The following TMC1 variants were observed in gnomAD, a reference collection of about 807,000 sequenced individuals.
TMC1 encodes transmembrane channel like 1, also known as transmembrane channel-like protein 1.
A neutral mutation model predicts 105.8 loss-of-function variants in TMC1; 84 were observed. The ratio of observed to expected loss-of-function variants is 0.79; its 90% CI spans 0.67 to 0.95. The LOEUF (loss-of-function observed/expected upper bound fraction) is 0.95. TMC1 is among the 40% of genes least tolerant of loss of function. TMC1 has a pLI of 0.00. For missense variants in TMC1, 817 were observed against 914.1 expected (o/e 0.89, Z 1.37); for synonymous variants, 315 against 311.5 (o/e 1.01, Z -0.12).
At chr9:72,702,499 A>C (rs1826661358) in intron 8 of TMC1, among the ~76,000 whole-genome samples, 1 of 152,200 alleles carries the variant, frequency 6.6e-6, no homozygotes. Context: ...TATGTAAAAC[A>C]TGTTGCCAGA....
intron 1 of TMC1, among the ~76,000 whole-genome samples, chr9:72,574,168 A>G (rs1824335588): frequency 6.6e-6 from 1 of 152,250 alleles, no homozygotes; most frequent in East Asian, 1.9e-4. Flanking sequence ...GAGAGTGGCC[A>G]TGCTCCATGC....
At chr9:72,815,555 A>G (rs1230519145) in intron 18 of TMC1, among the ~76,000 whole-genome samples, 1 of 152,202 alleles carries the variant, frequency 6.6e-6, no homozygotes, top group African/African-American at 2.4e-5. Context: ...GTCTTTGTGC[A>G]TAGTTTCATA....
chr9:72,606,965 ATG>A (rs1824925167), intron 2 of TMC1, among the ~76,000 whole-genome samples: 2 of 139,746 alleles, frequency 1.4e-5, no homozygotes, highest in Admixed American at 1.5e-4. Context: ...GTATGTATGT[ATG>A]TATGTGTGTG....
chr9:72,710,051 A>G (rs1315072994), intron 8 of TMC1, among the ~76,000 whole-genome samples: 1 of 152,088 alleles, frequency 6.6e-6, no homozygotes, highest in Admixed American at 6.6e-5. Flanking sequence ...AGGTTGTGTC[A>G]CTATTATTGT....
chr9:72,754,709 C>A, intron 11 of TMC1, 77 bp from the exon 12 acceptor site: 1 of 1,213,090 alleles, frequency 8.2e-7, no homozygotes, highest in Non-Finnish European at 1.2e-6. Context: ...GGCTTTTAAA[C>A]AAAACCATTT....
rs538017874 is a variant in TMC1 at position 72,663,733 on chromosome 9, A to G, written c.16+15069A>G. 1.3e-3 allele frequency among the ~76,000 whole-genome samples: 204 copies of G among 152,348 alleles called. 1 individual carries two copies. The highest frequency in any genetic ancestry group is 4.7e-3 in the African/African-American group (195 of 41,590). On this transcript the variant is annotated intron_variant, in intron 5 of 23. Transcript: ENST00000297784. Reference sequence around the variant, plus strand: ...ATTTTTCTTTCTTTAGTAACAAATTAACCTTAGCTTACTATAAGTTTTTTA... The same window carrying G: ...ATTTTTCTTTCTTTAGTAACAAATTGACCTTAGCTTACTATAAGTTTTTTA...
intron 6 of TMC1, among the ~76,000 whole-genome samples, chr9:72,693,012 C>T (rs985345927): frequency 1.3e-4 from 20 of 151,580 alleles, no homozygotes; most frequent in Middle Eastern, 3.4e-3. Flanking sequence ...CTCAACTACT[C>T]AGGAGGCTGA....
intron 2 of TMC1, 189 bp downstream of exon 2, chr9:72,578,212 A>G (rs1430135166): frequency 6.6e-6 from 1 of 151,790 alleles, no homozygotes; most frequent in East Asian, 1.9e-4. Flanking sequence ...CTTTGAGCAC[A>G]TTATCTTCTC....
chr9:72,788,953 G>A (rs1438073012), intron 14 of TMC1, among the ~76,000 whole-genome samples, 170 bp from the exon 15 acceptor site: 1 of 151,946 alleles, frequency 6.6e-6, no homozygotes, highest in Non-Finnish European at 1.5e-5. Context: ...ACTTGCCATC[G>A]TTTGTTGGCA....
At chr9:72,560,171 A>AGT (rs1384625299) in intron 1 of TMC1, among the ~76,000 whole-genome samples, 5 of 152,230 alleles carry the variant, frequency 3.3e-5, no homozygotes, top group African/African-American at 1.2e-4. Flanking sequence ...CCAACAGGGA[A>AGT]GTGTTAAAAC....
intron 5 of TMC1, 115 bp from the exon 6 acceptor site, chr9:72,688,594 A>C: frequency 9.9e-7 from 1 of 1,013,498 alleles, no homozygotes. Flanking sequence ...AGTTTATGGA[A>C]AAATTGTATT....
At chr9:72,793,497 C>T (rs554481418) in intron 17 of TMC1, among the ~76,000 whole-genome samples, 164 of 152,302 alleles carry the variant, frequency 1.1e-3, no homozygotes, top group African/African-American at 3.9e-3. Flanking sequence ...CATAGCTGTT[C>T]TATGAAAATG....
intron 12 of TMC1, among the ~76,000 whole-genome samples, chr9:72,766,901 A>G (rs534886286): frequency 6.6e-6 from 1 of 152,256 alleles, no homozygotes; most frequent in Non-Finnish European, 1.5e-5. Flanking sequence ...CAGAAGCCTA[A>G]TGGGTCTGGC....
At chr9:72,541,963 CAAA>C (rs943108560) in intron 1 of TMC1, among the ~76,000 whole-genome samples, 2 of 151,790 alleles carry the variant, frequency 1.3e-5, no homozygotes, top group Non-Finnish European at 2.9e-5. Context: ...AAAACAAAAA[CAAA>C]AAAACACAAA....
chr9:72,819,278 C>T (rs541110881), intron 19 of TMC1, among the ~76,000 whole-genome samples: 75 of 152,298 alleles, frequency 4.9e-4, no homozygotes, highest in African/African-American at 1.8e-3. Flanking sequence ...AATTTCTATT[C>T]ATACTTTATT....
chr9:72,656,823 A>G (rs1162479380), intron 5 of TMC1, among the ~76,000 whole-genome samples: 1 of 152,162 alleles, frequency 6.6e-6, no homozygotes, highest in Non-Finnish European at 1.5e-5. Context: ...TCTTGGAATT[A>G]GCTGGATGCT....
intron 3 of TMC1, among the ~76,000 whole-genome samples, chr9:72,624,378 C>T (rs949941957): frequency 9.2e-5 from 14 of 152,094 alleles, no homozygotes; most frequent in Admixed American, 7.2e-4. Flanking sequence ...TGTTTATTTC[C>T]GTAGGGTTGT....
At chr9:72,627,754 G>C (rs1430380458) in intron 3 of TMC1, among the ~76,000 whole-genome samples, 167 bp from the exon 4 acceptor site, 1 of 152,050 alleles carries the variant, frequency 6.6e-6, no homozygotes, top group Non-Finnish European at 1.5e-5. Flanking sequence ...TGCATTCCTT[G>C]GCTATTCTTG....
intron 1 of TMC1, among the ~76,000 whole-genome samples, chr9:72,567,653 C>T (rs962084027): frequency 9.9e-5 from 15 of 152,068 alleles, no homozygotes; most frequent in African/African-American, 2.4e-4. Context: ...CGGGGGAAAC[C>T]GCCCCCCATG....
Sources: allele counts gnomAD v4.1 joint callset (sites outside exome capture counted in the v4.1 genomes callset), GRCh38; gene constraint gnomAD v4.1.1; transcripts MANE v1.5; gene names NCBI Gene and HGNC (gene_info 2026-07-23, HGNC 2026-07-21).